Variants in RFC3 observed in about 807,000 individuals in gnomAD.
The protein encoded by RFC3 is replication factor C subunit 3.
RFC3 carries 41 observed loss-of-function variants against 45.1 expected under a neutral mutation model. The ratio of observed to expected loss-of-function variants is 0.91; its 90% CI spans 0.71 to 1.18. The LOEUF (loss-of-function observed/expected upper bound fraction) is 1.18. RFC3 is among the 50% of genes most tolerant of loss of function. RFC3 has a pLI of 0.00. For missense variants in RFC3, 423 were observed against 428.1 expected, an observed-to-expected ratio of 0.99 and a Z score of 0.10; for synonymous variants, 149 against 144.0, an observed-to-expected ratio of 1.03 and a Z score of -0.25.
In RFC3 at chr13:33,883,537, C is replaced by T. The variant is rs7327090; in HGVS notation, c.879+48320C>T. Among the ~76,000 whole-genome samples, 1,396 of 152,052 alleles carry T rather than the reference C, an allele frequency of 9.2e-3. 18 individuals are homozygous for T. The highest frequency in any genetic ancestry group is 0.032 in the African/African-American group (1,328 of 41,466). ...ACATACACACACACAAACACTCACACCTGAAACAATTGGGGGAATCTGAAT... is the reference window on the plus strand; with the variant it reads ...ACATACACACACACAAACACTCACATCTGAAACAATTGGGGGAATCTGAAT... On this transcript the variant is annotated intron_variant, in intron 8 of 8. Coordinates refer to the RFC3 transcript ENST00000434425.
chr13:33,905,457 CA>C (rs1566023428), intron 8 of RFC3, among the ~76,000 whole-genome samples: 1 of 151,258 alleles, frequency 6.6e-6, no homozygotes, highest in Non-Finnish European at 1.5e-5. Flanking sequence ...TGTCATAAGG[CA>C]AAAAATCTAA....
At position 33,830,657 on chromosome 13, in the gene RFC3, A is replaced by G; in HGVS notation, c.574-62A>G. The stretch of plus-strand genomic sequence containing the variant: ...GTTATAAGGGTCTAGGAGGATATCA[A>G]CAGAAATGAATCTTAATCTGCTTTT... On this transcript the variant is annotated intron_variant, in intron 5 of 8. Coordinates refer to ENST00000380071, the MANE Select transcript of RFC3 (RefSeq NM_002915.4). The G allele has an allele frequency of 2.9e-6, 4 of 1,403,036 alleles. No homozygotes were observed. The South Asian group carries it at 5.1e-5, about 18-fold the overall frequency. 86.9% of individuals were successfully genotyped at this position (1,403,036 alleles called of 1,614,324 possible).
At chr13:33,921,315 G>T (rs2082767428) in intron 8 of RFC3, among the ~76,000 whole-genome samples, 2 of 152,136 alleles carry the variant, frequency 1.3e-5, no homozygotes, top group African/African-American at 4.8e-5. Flanking sequence ...AGTGGAGCTT[G>T]GGACTGCCCA....
chr13:33,884,914 C>G (rs1222422143), intron 8 of RFC3, among the ~76,000 whole-genome samples: 2 of 152,198 alleles, frequency 1.3e-5, no homozygotes, highest in Non-Finnish European at 2.9e-5. Context: ...TCAAGATCAA[C>G]TTTTCCTATG....
chr13:33,834,329 T>TATATATATATATATATATATACATAC (rs1300798923), intron 7 of RFC3, among the ~76,000 whole-genome samples: 1 of 125,106 alleles, frequency 8.0e-6, no homozygotes, highest in African/African-American at 3.4e-5. Flanking sequence ...TATATATATA[T>TATATATATATATATATATATACATAC]ATCTGTACTG....
chr13:33,933,340 T>G (rs924602748), intron 8 of RFC3, among the ~76,000 whole-genome samples: 1 of 152,254 alleles, frequency 6.6e-6, no homozygotes, highest in Non-Finnish European at 1.5e-5. Flanking sequence ...AATGAGCTCC[T>G]ATTGTGTTAA....
chr13:33,959,175 A>G (rs928021565), intron 8 of RFC3, among the ~76,000 whole-genome samples: 6 of 152,070 alleles, frequency 3.9e-5, no homozygotes, highest in Non-Finnish European at 8.8e-5. Context: ...TCTTGTGTTA[A>G]ATTCCTCCCA....
chr13:33,870,670 C>T (rs764437197), intron 8 of RFC3, among the ~76,000 whole-genome samples: 13 of 152,074 alleles, frequency 8.5e-5, no homozygotes, highest in Non-Finnish European at 1.9e-4. Context: ...AACAGCCGGC[C>T]CATATGTCTG....
At chr13:33,887,706 G>T (rs2082535198) in intron 8 of RFC3, among the ~76,000 whole-genome samples, 1 of 152,092 alleles carries the variant, frequency 6.6e-6, no homozygotes, top group Non-Finnish European at 1.5e-5. Context: ...CCTTGCCCAT[G>T]CCTATGTCCT....
At chr13:33,954,734 C>A (rs1177051258) in intron 8 of RFC3, among the ~76,000 whole-genome samples, 1 of 152,180 alleles carries the variant, frequency 6.6e-6, no homozygotes, top group African/African-American at 2.4e-5. Flanking sequence ...AGAGAGCAAG[C>A]TCAGGTCTCT....
At chr13:33,946,912 A>G (rs560577035) in intron 8 of RFC3, among the ~76,000 whole-genome samples, 110 of 152,342 alleles carry the variant, frequency 7.2e-4, no homozygotes, top group African/African-American at 2.4e-3. Flanking sequence ...GGCAGTTTGT[A>G]CAGATCTTTT....
chr13:33,861,473 C>A (rs1247902614), intron 8 of RFC3, among the ~76,000 whole-genome samples: 5 of 151,882 alleles, frequency 3.3e-5, no homozygotes, highest in Admixed American at 3.3e-4. Context: ...ACTAAAAATA[C>A]AAAAATTAGC....
chr13:33,971,455 A>G (rs574111713), downstream of RFC3, among the ~76,000 whole-genome samples: 31 of 152,394 alleles, frequency 2.0e-4, no homozygotes, highest in Middle Eastern at 3.4e-3. Flanking sequence ...CAATTGTTCT[A>G]CAGCAAGAGT....
chr13:33,927,335 A>G (rs2082820399), intron 8 of RFC3, among the ~76,000 whole-genome samples: 1 of 151,918 alleles, frequency 6.6e-6, no homozygotes, highest in South Asian at 2.1e-4. Flanking sequence ...TTATTGGGGG[A>G]AAGAGGGGGT....
chr13:33,853,508 T>C (rs574032217), intron 8 of RFC3, among the ~76,000 whole-genome samples: 8 of 151,802 alleles, frequency 5.3e-5, no homozygotes, highest in Admixed American at 3.3e-4. Context: ...AAAACTAGAG[T>C]GGTTAAAAGA....
chr13:33,896,026 A>G (rs111944335), intron 8 of RFC3, among the ~76,000 whole-genome samples: 2,496 of 152,076 alleles, frequency 0.016, 59 homozygotes, highest in African/African-American at 0.049. Flanking sequence ...AGTGGGAGTG[A>G]AAGGAATAAA....
At chr13:33,940,276 C>T (rs2082914917) in intron 8 of RFC3, among the ~76,000 whole-genome samples, 1 of 152,000 alleles carries the variant, frequency 6.6e-6, no homozygotes, top group African/African-American at 2.4e-5. Flanking sequence ...TTTATTATAT[C>T]TGATATTTAC....
chr13:33,965,877 G>A (rs1334650804), intron 8 of RFC3, among the ~76,000 whole-genome samples: 2 of 152,136 alleles, frequency 1.3e-5, no homozygotes, highest in Non-Finnish European at 2.9e-5. Flanking sequence ...AGTGGACCTA[G>A]TTTGACCACC....
chr13:33,888,515 C>T (rs892275781), intron 8 of RFC3, among the ~76,000 whole-genome samples: 7 of 152,094 alleles, frequency 4.6e-5, no homozygotes, highest in Non-Finnish European at 8.8e-5. Flanking sequence ...CACAATGCTG[C>T]GTTACTCTAT....
Sources: allele counts gnomAD v4.1 joint callset (sites outside exome capture counted in the v4.1 genomes callset), GRCh38; gene constraint gnomAD v4.1.1; transcripts MANE v1.5; gene names NCBI Gene and HGNC (gene_info 2026-07-23, HGNC 2026-07-21).